ACSF2: variants seen among roughly 807,000 people sequenced by gnomAD.
The protein encoded by ACSF2 is medium-chain acyl-CoA ligase ACSF2, mitochondrial.
A neutral mutation model predicts 79.3 loss-of-function variants in ACSF2; 52 were observed. That is an observed-to-expected ratio of 0.66 (90% CI 0.53 to 0.83). ACSF2 has a LOEUF of 0.83. Ranked by LOEUF, ACSF2 falls within the 40% of genes least tolerant of loss-of-function variation. ACSF2 has a pLI of 0.00. For synonymous variants in ACSF2, 283 were observed against 312.6 expected (o/e 0.91, Z 1.00); for missense variants, 661 against 803.3 (o/e 0.82, Z 2.14).
rs747698276 is a variant in ACSF2, at chr17:50,464,198, C to T, written c.1139-20C>T. 1.2e-6 allele frequency: 2 copies of T among 1,613,340 alleles called. No individual in the cohort carries two copies. The highest frequency in any genetic ancestry group is 1.7e-6 in the Non-Finnish European group (2 of 1,179,266). On this transcript the variant is annotated intron_variant, in intron 9 of 15. Coordinates refer to ENST00000300441, the MANE Select transcript of ACSF2 (RefSeq NM_025149.6). ...GGCCTGGAGAATTGGGGAGCTGTGTCAGCCCTCTCTCTGATTCAGGTGTCA... is the reference window on the plus strand; with the variant it reads ...GGCCTGGAGAATTGGGGAGCTGTGTTAGCCCTCTCTCTGATTCAGGTGTCA...
In ACSF2 at chr17:50,464,266, T is replaced by G; in HGVS notation, c.1187T>G (p.Ile396Ser). Residue 396 changes from isoleucine (I) to serine (S), a missense_variant, in exon 10 of 16, where the codon ATC becomes AGC. Coordinates refer to ENST00000300441, the MANE Select transcript of ACSF2 (RefSeq NM_025149.6). ...PAPPELIRAI[I>S]NKINMKDLVV... ...CCTCCAGAGTTGATCCGAGCCATCA[T>G]CAACAAGATAAATATGAAGGACCTG... 1 of 1,614,094 alleles carries G rather than the reference T, an allele frequency of 6.2e-7. No homozygotes were observed. The highest frequency in any genetic ancestry group is 8.5e-7 in the Non-Finnish European group (1 of 1,180,026).
At chr17:50,468,304 G>C (rs759641450) in intron 10 of ACSF2, 1 of 1,613,922 alleles carries the variant, frequency 6.2e-7, no homozygotes, top group Non-Finnish European at 8.5e-7. Context: ...GCAGGTCCTT[G>C]GCTCCCTGGA....
At chr17:50,445,733 C>T (rs1219774708) in intron 1 of ACSF2, among the ~76,000 whole-genome samples, 1 of 151,228 alleles carries the variant, frequency 6.6e-6, no homozygotes, top group Non-Finnish European at 1.5e-5. Context: ...ATTGGGAGGT[C>T]AAGTCTGCAG....
intron 10 of ACSF2, chr17:50,468,290 C>T: frequency 1.2e-6 from 2 of 1,613,322 alleles, no homozygotes; most frequent in East Asian, 2.2e-5. Flanking sequence ...CAGGTAGAGC[C>T]AGCGCAGGTC....
chr17:50,429,943 CT>C (rs1915372575), intron 1 of ACSF2, among the ~76,000 whole-genome samples: 1 of 152,236 alleles, frequency 6.6e-6, no homozygotes, highest in Non-Finnish European at 1.5e-5. Flanking sequence ...TAGTCTGGGG[CT>C]TCAGTGAACC....
At chr17:50,428,829 A>G (rs1210832557) in intron 1 of ACSF2, among the ~76,000 whole-genome samples, 2 of 152,236 alleles carry the variant, frequency 1.3e-5, no homozygotes, top group African/African-American at 4.8e-5. Context: ...GGCTGAAACC[A>G]TCAGCAAACA....
rs550962440 is a variant in ACSF2, at chr17:50,460,728, C to T, written c.180C>T (p.Tyr60=). ...CCACGCCCATCGGAGGCCTCAGCTA[C>T]GTTCAGGGGTGCACCAAAAAGCATC... ...MVSTPIGGLS[Y]VQGCTKKHLN... is the part of the protein sequence containing the mutation. Residue 60 remains tyrosine, a synonymous_variant, in exon 2 of 16, where the codon TAC becomes TAT. Transcript: ENST00000300441. 3.6e-5 allele frequency: 58 copies of T among 1,613,398 alleles called. No individual in the cohort carries two copies. The highest frequency in any genetic ancestry group is 4.0e-5 in the Non-Finnish European group (47 of 1,179,690).
chr17:50,458,118 G>T (rs376197175), intron 1 of ACSF2, among the ~76,000 whole-genome samples: 39 of 152,252 alleles, frequency 2.6e-4, no homozygotes, highest in African/African-American at 9.4e-4. Context: ...GGTTCCTTCT[G>T]ATGTCCCTGG....
intron 10 of ACSF2, chr17:50,467,797 G>A: frequency 2.1e-6 from 1 of 476,502 alleles, no homozygotes; most frequent in African/African-American, 1.9e-5. Context: ...TGGGGCCAGG[G>A]CAGTCCCACT....
intron 1 of ACSF2, among the ~76,000 whole-genome samples, chr17:50,434,451 C>T (rs1245550417): frequency 2.0e-5 from 3 of 152,148 alleles, no homozygotes; most frequent in Non-Finnish European, 4.4e-5. Context: ...CTTTGGGAGG[C>T]TGAGGCAGGT....
At chr17:50,465,487 T>C (rs1291861008) in intron 10 of ACSF2, 1 of 1,605,602 alleles carries the variant, frequency 6.2e-7, no homozygotes, top group Non-Finnish European at 8.5e-7. Context: ...GTGGGAGTGC[T>C]GGGGGGAAGG....
At chr17:50,465,972 A>G in intron 10 of ACSF2, 2 of 1,337,636 alleles carry the variant, frequency 1.5e-6, no homozygotes, top group South Asian at 2.6e-5. Context: ...AACCTGAGCC[A>G]TAGCACTTTG....
intron 1 of ACSF2, among the ~76,000 whole-genome samples, chr17:50,434,082 G>A (rs2030183788): frequency 1.3e-5 from 2 of 152,094 alleles, no homozygotes; most frequent in African/African-American, 4.8e-5. Context: ...GGGAGGCTGA[G>A]GTGGGAGGAT....
chr17:50,471,209 T>C lies in ACSF2; in HGVS notation c.1323+74T>C. 1 of 1,288,448 alleles carries C rather than the reference T, an allele frequency of 7.8e-7. No individual in the cohort carries two copies. Among genetic ancestry groups the C allele is most frequent in the Non-Finnish European group, 1.1e-6 (1 of 889,948 alleles). 79.8% of individuals were successfully genotyped at this position (1,288,448 alleles called of 1,614,324 possible). ...GGGGTGCACCCAGCTGGGACATCGG[T>C]TGCTTTCAGTGAGAGAGTCAAATGG... On this transcript the variant is annotated intron_variant, in intron 11 of 15. Coordinates refer to ENST00000300441, the MANE Select transcript of ACSF2 (RefSeq NM_025149.6). The surrounding 1 kb of genome is among the most constrained non-coding windows in gnomAD (Gnocchi z 4.1).
rs376988932 is a variant in ACSF2 at position 50,474,146 on chromosome 17, C to T, written c.1729-53C>T. ...GCCAGCCCCTGGTCCCCTACCCATA[C>T]CCCTGTGAGCTTGCGCAGCCTCACG... On this transcript the variant is annotated intron_variant, in intron 14 of 15. Coordinates refer to ENST00000300441, the MANE Select transcript of ACSF2 (RefSeq NM_025149.6). This position sits in a 1 kb window ranked among gnomAD's most constrained non-coding sequence, Gnocchi z 4.2. 1.2e-4 allele frequency: 191 copies of T among 1,608,568 alleles called. 1 individual carries two copies. The East Asian group carries it at 3.5e-3, about 29-fold the overall frequency.
At position 50,464,281 on chromosome 17, in the gene ACSF2, T is replaced by G; in HGVS notation, c.1202T>G (p.Met401Arg). The G allele has an allele frequency of 6.2e-7, 1 of 1,613,950 alleles. No homozygotes were observed. Among genetic ancestry groups the G allele is most frequent in the Non-Finnish European group, 8.5e-7 (1 of 1,179,994 alleles). ...CGAGCCATCATCAACAAGATAAATA[T>G]GAAGGACCTGGTGGTGAGTGGTGAC... ...LIRAIINKIN[M>R]KDLVVAYGTT... Residue 401 changes from methionine (M) to arginine (R), a missense_variant, in exon 10 of 16, where the codon ATG (methionine) becomes AGG (arginine). Physicochemically the swap from Met to Arg is moderately conservative, Grantham distance 91. Coordinates refer to ENST00000300441, the MANE Select transcript of ACSF2 (RefSeq NM_025149.6).
chr17:50,460,087 C>T, intron 1 of ACSF2: 1 of 415,302 alleles, frequency 2.4e-6, no homozygotes, highest in South Asian at 1.7e-5. Flanking sequence ...ATCTTTAGCA[C>T]CTGGCACTGA....
chr17:50,461,886 G>A (rs556304572), intron 4 of ACSF2, among the ~76,000 whole-genome samples, 200 bp downstream of exon 4: 15 of 152,172 alleles, frequency 9.9e-5, no homozygotes, highest in South Asian at 2.1e-4. Context: ...CAAACCTGGC[G>A]TGAGTGTGCA....
At chr17:50,440,737 G>A (rs148267723) in intron 1 of ACSF2, among the ~76,000 whole-genome samples, 3 of 152,368 alleles carry the variant, frequency 2.0e-5, no homozygotes, top group African/African-American at 7.2e-5. Flanking sequence ...GGTAGGCAAG[G>A]CTGGGCTGGG....
Sources: allele counts gnomAD v4.1 joint callset (sites outside exome capture counted in the v4.1 genomes callset), GRCh38; gene constraint gnomAD v4.1.1; non-coding constraint Gnocchi (gnomAD v3.1); transcripts MANE v1.5; gene names NCBI Gene and HGNC (gene_info 2026-07-23, HGNC 2026-07-21).